Variants in OR51E2 observed in about 807,000 individuals in gnomAD.
The protein encoded by OR51E2 is olfactory receptor 51E2.
OR51E2 carries 14 observed loss-of-function variants against 13.7 expected under a neutral mutation model. That is an observed-to-expected ratio of 1.02 (90% CI 0.68 to 1.60). The LOEUF (loss-of-function observed/expected upper bound fraction) is 1.60. Ranked by LOEUF, OR51E2 falls within the 40% of genes most tolerant of loss-of-function variation. The pLI is 0.00. For missense variants in OR51E2, 483 were observed against 413.8 expected (o/e 1.17, Z -1.45); for synonymous variants, 180 against 157.6 (o/e 1.14, Z -1.07).
At chr11:4,686,933 T>A (rs1325682360) in intron 1 of OR51E2, among the ~76,000 whole-genome samples, 3 of 152,050 alleles carry the variant, frequency 2.0e-5, no homozygotes, top group Non-Finnish European at 4.4e-5. Context: ...CAGGTTAGCA[T>A]TTGTGAGGTG....
At chr11:4,682,942 T>A (rs895601605) in intron 1 of OR51E2, among the ~76,000 whole-genome samples, 181 bp from the exon 2 acceptor site, 9 of 152,226 alleles carry the variant, frequency 5.9e-5, no homozygotes, top group African/African-American at 1.7e-4. Flanking sequence ...TTTATTTAAA[T>A]TTTTAAAAGG....
intron 1 of OR51E2, chr11:4,691,548 A>T (rs1199763247): frequency 2.2e-6 from 1 of 457,058 alleles, no homozygotes; most frequent in Non-Finnish European, 4.4e-6. Context: ...GGGCTGAGTG[A>T]TGGTAGCGAA....
At chr11:4,693,910 G>C (rs961031317) in intron 1 of OR51E2, among the ~76,000 whole-genome samples, 1 of 152,128 alleles carries the variant, frequency 6.6e-6, no homozygotes, top group African/African-American at 2.4e-5. Context: ...GGCAGAAAGA[G>C]CAGAACCGTT....
chr11:4,684,740 A>T (rs1489564641), intron 1 of OR51E2, among the ~76,000 whole-genome samples: 4 of 152,174 alleles, frequency 2.6e-5, no homozygotes, highest in East Asian at 1.9e-4. Context: ...TTAGGCTATC[A>T]TCTCATTTCC....
intron 1 of OR51E2, among the ~76,000 whole-genome samples, chr11:4,684,366 C>T (rs1847491775): frequency 1.3e-5 from 2 of 152,160 alleles, no homozygotes; most frequent in Admixed American, 1.3e-4. Flanking sequence ...TGCATCCATC[C>T]ATCCATTTCT....
chr11:4,681,924 A>T lies in OR51E2; in HGVS notation c.788T>A (p.Phe263Tyr). 2 of 1,614,074 alleles carry T rather than the reference A, an allele frequency of 1.2e-6. No homozygotes were observed. The change falls in exon 2 of 2, where the codon TTT (phenylalanine) becomes TAT (tyrosine). Residue 263 changes from phenylalanine to tyrosine, a missense_variant. By Grantham distance (22) the Phe-to-Tyr change is conservative. Transcript: ENST00000396950. The stretch of plus-strand genomic sequence containing the variant: ...CACAATGGGATGAAGGCTGTTTCCA[A>T]AGCGGTGTACCACTGAGAGGCCAAT... ...PLIGLSVVHR[F>Y]GNSLHPIVRV...
At chr11:4,693,031 C>A (rs1847606103) in intron 1 of OR51E2, among the ~76,000 whole-genome samples, 1 of 151,992 alleles carries the variant, frequency 6.6e-6, no homozygotes, top group Non-Finnish European at 1.5e-5. Flanking sequence ...AATGTATGAT[C>A]AAACCTCTTA....
intron 1 of OR51E2, among the ~76,000 whole-genome samples, chr11:4,684,282 T>C (rs905210003): frequency 6.6e-6 from 1 of 152,198 alleles, no homozygotes; most frequent in African/African-American, 2.4e-5. Flanking sequence ...TCCCAGTTGC[T>C]ATCAGAACAT....
chr11:4,695,899 C>T (rs1452372068), intron 1 of OR51E2, among the ~76,000 whole-genome samples: 1 of 152,064 alleles, frequency 6.6e-6, no homozygotes, highest in Non-Finnish European at 1.5e-5. Flanking sequence ...CATATGCTCT[C>T]CTTGAGATAT....
chr11:4,681,598 T>C lies in OR51E2; in HGVS notation c.*151A>G, dbSNP rs1847451108. The C allele has an allele frequency of 1.3e-6, 1 of 752,488 alleles. No homozygotes were observed. The highest frequency in any genetic ancestry group is 2.7e-5 in the Admixed American group (1 of 37,708). 46.6% of individuals were successfully genotyped at this position (752,488 alleles called of 1,614,324 possible). On this transcript the variant is annotated 3_prime_UTR_variant, in exon 2 of 2. Coordinates refer to ENST00000396950, the MANE Select transcript of OR51E2 (RefSeq NM_030774.4). ...CATTAGTATGTATTATTCCACATAA[T>C]AGTCCTTTAGGTAGATGTACCATAC...
intron 1 of OR51E2, among the ~76,000 whole-genome samples, chr11:4,684,140 AAAG>A (rs2133245749): frequency 6.6e-6 from 1 of 152,338 alleles, no homozygotes; most frequent in South Asian, 2.1e-4. Flanking sequence ...TTGGATAAGC[AAAG>A]AAGGACAGAT....
chr11:4,682,017 T>TTTGGAA lies in OR51E2; in HGVS notation c.694_695insTTCCAA (p.Glu232delinsValProLys). On this transcript the variant is annotated protein_altering_variant, in exon 2 of 2. Coordinates refer to ENST00000396950, the MANE Select transcript of OR51E2 (RefSeq NM_030774.4). ...ACAGGTTCCAAAGGCCTTGGCCCGC[T>TTTGGAA]CTGACTTGGAAGGCAGTTGCAGAAC... 1 of 1,614,206 alleles carries TTTGGAA rather than the reference T, an allele frequency of 6.2e-7. No individual in the cohort carries two copies. Among genetic ancestry groups the TTTGGAA allele is most frequent in the Non-Finnish European group, 8.5e-7 (1 of 1,180,044 alleles).
At chr11:4,686,955 G>A (rs754161979) in intron 1 of OR51E2, among the ~76,000 whole-genome samples, 192 of 152,250 alleles carry the variant, frequency 1.3e-3, no homozygotes, top group Non-Finnish European at 2.0e-3. Flanking sequence ...GGTGGGGGAC[G>A]AGAATCTGCA....
intron 1 of OR51E2, chr11:4,692,093 T>C: frequency 4.6e-6 from 2 of 430,468 alleles, no homozygotes; most frequent in Non-Finnish European, 9.2e-6. Context: ...GGTAGTGCAT[T>C]ATTTTTCCTC....
chr11:4,684,601 A>G (rs1847494845), intron 1 of OR51E2, among the ~76,000 whole-genome samples: 2 of 152,116 alleles, frequency 1.3e-5, no homozygotes, highest in Admixed American at 1.3e-4. Context: ...CCATGCTACC[A>G]CATGCAGTGC....
chr11:4,697,529 C>A (rs572078394), intron 1 of OR51E2, 124 bp downstream of exon 1: 1 of 152,648 alleles, frequency 6.6e-6, no homozygotes, highest in East Asian at 1.9e-4. Flanking sequence ...TACCGTCCTC[C>A]TCAGCCCACC....
At chr11:4,692,130 C>A (rs1221814171) in intron 1 of OR51E2, 3 of 450,300 alleles carry the variant, frequency 6.7e-6, no homozygotes, top group African/African-American at 2.0e-5. Flanking sequence ...GAAAAATACA[C>A]TGGGGCTGTG....
chr11:4,689,547 T>C (rs1589873879), intron 1 of OR51E2, among the ~76,000 whole-genome samples: 1 of 152,174 alleles, frequency 6.6e-6, no homozygotes, highest in Non-Finnish European at 1.5e-5. Context: ...ATACCAACTA[T>C]ACAGCCCATC....
In OR51E2 at chr11:4,691,322, G is replaced by A. The variant is rs777220732; in HGVS notation, c.-51+6331C>T. On this transcript the variant is annotated intron_variant, in intron 1 of 1. Coordinates refer to ENST00000396950, the MANE Select transcript of OR51E2 (RefSeq NM_030774.4). ...TGGCATACCTAAGGGGATTAGAGACGGCCACAAAACGATCAAAAGCCATGG... is the reference window on the plus strand; with the variant it reads ...TGGCATACCTAAGGGGATTAGAGACAGCCACAAAACGATCAAAAGCCATGG... The A allele has an allele frequency of 3.9e-5, 18 of 457,308 alleles. No individual in the cohort carries two copies. In the East Asian group the frequency reaches 4.2e-4, roughly 11 times the overall value. The allele number at this position is 457,308 out of a possible 1,614,324, so 28.3% of individuals were successfully genotyped here. A position where few individuals can be genotyped will look rare whatever the true frequency, so the allele number is the denominator to read the frequency against.
Sources: gnomAD v4.1 joint callset for allele counts (sites outside exome capture counted in the v4.1 genomes callset) on GRCh38, gnomAD v4.1.1 for gene constraint, MANE v1.5 for transcripts, NCBI Gene and HGNC (gene_info 2026-07-23, HGNC 2026-07-21) for gene names.